NXPE2: variants seen among roughly 807,000 people sequenced by gnomAD.
NXPE2 encodes the protein NXPE family member 2.
A neutral mutation model predicts 34.4 loss-of-function variants in NXPE2; 34 were observed. The ratio of observed to expected loss-of-function variants is 0.99; its 90% CI spans 0.75 to 1.31. The LOEUF (loss-of-function observed/expected upper bound fraction) is 1.31. Among genes scored for constraint, NXPE2 ranks in the 40% most tolerant of loss-of-function variants. NXPE2 has a pLI of 0.00. For missense variants in NXPE2, 649 were observed against 672.5 expected, an observed-to-expected ratio of 0.97 and a Z score of 0.39; for synonymous variants, 235 against 231.3, an observed-to-expected ratio of 1.02 and a Z score of -0.15.
At chr11:114,654,650 C>T in the NXPE2 span, among the ~76,000 whole-genome samples, 1 of 152,020 alleles carries the variant, frequency 6.6e-6, no homozygotes. Context: ...AAAGACATCT[C>T]GTTCCTTTTT....
chr11:114,465,096 C>A, the NXPE2 span, among the ~76,000 whole-genome samples: 1 of 152,126 alleles, frequency 6.6e-6, no homozygotes, highest in South Asian at 2.1e-4. Context: ...TAAATTGGTT[C>A]AACTACTTCG....
the NXPE2 span, among the ~76,000 whole-genome samples, chr11:114,468,732 A>AG: frequency 1.3e-5 from 2 of 152,178 alleles, no homozygotes; most frequent in Non-Finnish European, 2.9e-5. Context: ...AAGATGACAA[A>AG]GCCCTGCTTC....
the NXPE2 span, among the ~76,000 whole-genome samples, chr11:114,621,206 A>G: frequency 2.2e-4 from 34 of 152,286 alleles, no homozygotes; most frequent in Non-Finnish European, 3.7e-4. Flanking sequence ...TACCTGGTGG[A>G]TAATAAGTGT....
At chr11:114,609,112 A>G in the NXPE2 span, among the ~76,000 whole-genome samples, 4 of 152,128 alleles carry the variant, frequency 2.6e-5, no homozygotes, top group African/African-American at 9.6e-5. Flanking sequence ...ATGGGTAGCT[A>G]CTGTTACCCG....
chr11:114,555,521 A>G, the NXPE2 span, among the ~76,000 whole-genome samples: 34,659 of 152,154 alleles, frequency 0.23, 5,587 homozygotes, highest in African/African-American at 0.45. Flanking sequence ...CACCACGCCC[A>G]GCCAAGAATA....
At chr11:114,582,279 T>G in the NXPE2 span, 3 of 1,548,940 alleles carry the variant, frequency 1.9e-6, no homozygotes, top group Admixed American at 6.1e-5. Context: ...AAGAAGTAAT[T>G]ATTTTTACCT....
rs1412186862 is a variant in NXPE2, at chr11:114,678,738, A to T, written c.26+137A>T. The T allele has an allele frequency of 2.3e-5, 15 of 638,676 alleles. No individual in the cohort carries two copies. The East Asian group carries it at 3.9e-4, about 17-fold the overall frequency. The allele number at this position is 638,676 out of a possible 1,614,324, so 39.6% of individuals were successfully genotyped here. On this transcript the variant is annotated intron_variant, in intron 1 of 5. Transcript: ENST00000389586. ...AAAATCGTTTTATTTGGGCATAAAAATACTTTTAAAATGGAATACAATTCA... is the reference window on the plus strand; with the variant it reads ...AAAATCGTTTTATTTGGGCATAAAATTACTTTTAAAATGGAATACAATTCA...
At chr11:114,624,606 G>A in the NXPE2 span, among the ~76,000 whole-genome samples, 1 of 151,686 alleles carries the variant, frequency 6.6e-6, no homozygotes, top group Non-Finnish European at 1.5e-5. Flanking sequence ...TATAAGTATT[G>A]CCTCATGGGC....
chr11:114,672,129 G>A, the NXPE2 span, among the ~76,000 whole-genome samples: 2 of 151,904 alleles, frequency 1.3e-5, no homozygotes, highest in African/African-American at 2.4e-5. Context: ...AGAACAGCAA[G>A]GGGGAAGTCC....
chr11:114,588,625 G>C, the NXPE2 span, among the ~76,000 whole-genome samples: 1 of 152,110 alleles, frequency 6.6e-6, no homozygotes, highest in East Asian at 1.9e-4. Flanking sequence ...TGACAACCTT[G>C]TTTGGAACCC....
At chr11:114,761,179 C>A in the NXPE2 span, among the ~76,000 whole-genome samples, 2 of 152,184 alleles carry the variant, frequency 1.3e-5, no homozygotes, top group African/African-American at 4.8e-5. Flanking sequence ...AACTCAGCTC[C>A]TGACACCTAC....
the NXPE2 span, among the ~76,000 whole-genome samples, chr11:114,775,195 C>T: frequency 6.6e-6 from 1 of 152,198 alleles, no homozygotes; most frequent in African/African-American, 2.4e-5. Flanking sequence ...TGTCTTCCTT[C>T]CTCCAGGTCC....
the NXPE2 span, among the ~76,000 whole-genome samples, chr11:114,590,470 G>A: frequency 6.6e-6 from 1 of 152,164 alleles, no homozygotes; most frequent in African/African-American, 2.4e-5. Flanking sequence ...GGTATGGTGA[G>A]ATAGATCATC....
At chr11:114,809,782 C>T in the NXPE2 span, among the ~76,000 whole-genome samples, 73,879 of 78,768 alleles carry the variant, frequency 0.94, 35,168 homozygotes, top group Middle Eastern at 1. Flanking sequence ...AATTTATAGA[C>T]TCAATGCCAT....
chr11:114,639,469 C>CCCCACTGTCCTGTG, the NXPE2 span, among the ~76,000 whole-genome samples: 2 of 151,478 alleles, frequency 1.3e-5, no homozygotes, highest in Non-Finnish European at 2.9e-5. Flanking sequence ...GCTGCGCTGC[C>CCCCACTGTCCTGTG]CCCACTGTCC....
chr11:114,514,015 C>T, the NXPE2 span, among the ~76,000 whole-genome samples: 8 of 152,206 alleles, frequency 5.3e-5, no homozygotes, highest in African/African-American at 1.9e-4. Flanking sequence ...ATTAATCACT[C>T]TTATCCTCCT....
the NXPE2 span, among the ~76,000 whole-genome samples, chr11:114,774,083 C>A: frequency 7.9e-5 from 12 of 152,176 alleles, no homozygotes; most frequent in African/African-American, 2.4e-4. Flanking sequence ...GGAAACTGAT[C>A]AAAACGTGAA....
chr11:114,684,523 A>G (rs952233051), intron 2 of NXPE2, among the ~76,000 whole-genome samples: 9 of 152,238 alleles, frequency 5.9e-5, no homozygotes, highest in Non-Finnish European at 1.2e-4. Context: ...TGGATGAAGT[A>G]TAAAGCAAGA....
the NXPE2 span, among the ~76,000 whole-genome samples, chr11:114,610,681 G>A: frequency 1.3e-5 from 2 of 151,940 alleles, no homozygotes; most frequent in Non-Finnish European, 2.9e-5. Context: ...GTTGCCTCGT[G>A]GTTAACCACT....
Sources: allele counts gnomAD v4.1 joint callset (sites outside exome capture counted in the v4.1 genomes callset), GRCh38; gene constraint gnomAD v4.1.1; transcripts MANE v1.5; gene names NCBI Gene and HGNC (gene_info 2026-07-23, HGNC 2026-07-21).